The following MSI2 variants were observed in gnomAD, a reference collection of about 807,000 sequenced individuals.
MSI2 encodes the protein RNA-binding protein Musashi homolog 2.
In MSI2, 17 loss-of-function variants were observed where a neutral mutation model predicts 45.6. The observed-to-expected ratio is 0.37, with a 90% CI of 0.26 to 0.56. MSI2 has a LOEUF of 0.56. MSI2 is among the 20% of genes least tolerant of loss of function. The pLI, the probability that MSI2 is intolerant of heterozygous loss-of-function variation, is 0.77. For synonymous variants in MSI2, 156 were observed against 158.2 expected (o/e 0.99, Z 0.11); for missense variants, 293 against 444.2 (o/e 0.66, Z 3.06).
intron 5 of MSI2, 66 bp from the exon 6 acceptor site, chr17:57,401,313 C>A: frequency 2.3e-6 from 3 of 1,305,834 alleles, no homozygotes; most frequent in Non-Finnish European, 3.3e-6. Context: ...ATTGTTTCAG[C>A]AGCCTCTTGA....
chr17:57,461,398 T>C (rs1024541840), intron 6 of MSI2, among the ~76,000 whole-genome samples: 1 of 152,068 alleles, frequency 6.6e-6, no homozygotes, highest in Non-Finnish European at 1.5e-5. Flanking sequence ...AAAAAATTAA[T>C]CCTCCTAAGA....
chr17:57,643,313 C>T (rs1376736202), intron 10 of MSI2, among the ~76,000 whole-genome samples: 2 of 152,356 alleles, frequency 1.3e-5, no homozygotes, highest in East Asian at 1.9e-4. Context: ...CAAGACACCA[C>T]GTTCTGTTGT....
At chr17:57,579,395 G>T (rs921726854) in intron 7 of MSI2, among the ~76,000 whole-genome samples, 1 of 152,208 alleles carries the variant, frequency 6.6e-6, no homozygotes, top group Admixed American at 6.5e-5. Context: ...GGGAGAGGCG[G>T]TGGCTCCCGT....
At chr17:57,488,867 A>G (rs559774856) in intron 6 of MSI2, among the ~76,000 whole-genome samples, 2 of 152,060 alleles carry the variant, frequency 1.3e-5, no homozygotes, top group African/African-American at 4.8e-5. Context: ...GTGACAGCAC[A>G]TTAGAGCTGG....
chr17:57,600,379 C>T (rs1012736095), intron 8 of MSI2, among the ~76,000 whole-genome samples: 2 of 152,224 alleles, frequency 1.3e-5, no homozygotes, highest in African/African-American at 4.8e-5. Flanking sequence ...GGTCTTACTG[C>T]AGATTAGTCA....
At chr17:57,695,174 T>C in the MSI2 span, among the ~76,000 whole-genome samples, 2 of 152,154 alleles carry the variant, frequency 1.3e-5, no homozygotes, top group African/African-American at 4.8e-5. Flanking sequence ...TAGTTAATAG[T>C]GTGGGAACTA....
Position 57,596,794 on chromosome 17 carries a change from AGAAAAACCTG to A in MSI2, c.455-72_455-63del. On this transcript the variant is annotated intron_variant, in intron 7 of 13. Transcript: ENST00000284073. This position sits in a 1 kb window ranked among gnomAD's most constrained non-coding sequence, Gnocchi z 4.6. ...GGCTGTCAAGACCTCAGGACGTCAG[AGAAAAACCTG>A]GGCCTGCCAGAACTGAACTCACCCC... 1 of 1,070,030 alleles carries A rather than the reference AGAAAAACCTG, an allele frequency of 9.3e-7. No homozygotes were observed. Among genetic ancestry groups the A allele is most frequent in the Non-Finnish European group, 1.4e-6 (1 of 693,340 alleles). 66.3% of individuals were successfully genotyped at this position (1,070,030 alleles called of 1,614,324 possible).
At chr17:57,434,791 T>C (rs963267425) in intron 6 of MSI2, among the ~76,000 whole-genome samples, 11 of 150,758 alleles carry the variant, frequency 7.3e-5, no homozygotes, top group Non-Finnish European at 1.2e-4. Context: ...ATTTTTTTTT[T>C]ATCCATTTAC....
chr17:57,521,814 G>C (rs1234329087), intron 6 of MSI2, among the ~76,000 whole-genome samples: 1 of 152,108 alleles, frequency 6.6e-6, no homozygotes, highest in Admixed American at 6.5e-5. Context: ...TTGGGGTGTG[G>C]CCTTGGTGAG....
intron 7 of MSI2, chr17:57,531,980 T>C (rs2086830756): frequency 6.6e-6 from 1 of 152,402 alleles, no homozygotes; most frequent in African/African-American, 2.4e-5. Flanking sequence ...AAGAGTTTTT[T>C]GCCCGTTGTG....
intron 7 of MSI2, among the ~76,000 whole-genome samples, chr17:57,534,707 C>T (rs1024425062): frequency 6.6e-6 from 1 of 152,208 alleles, no homozygotes; most frequent in Non-Finnish European, 1.5e-5. Context: ...AAGAGTGAAA[C>T]TCCGTCTCAC....
At chr17:57,643,788 A>G (rs1794643005) in intron 10 of MSI2, among the ~76,000 whole-genome samples, 1 of 152,268 alleles carries the variant, frequency 6.6e-6, no homozygotes, top group Non-Finnish European at 1.5e-5. Context: ...GCTAAACAGC[A>G]GTTGTATTAA....
rs564578932 is a variant in MSI2 at position 57,581,695 on chromosome 17, G to C, written c.455-15173G>C. ...TGTGTTCTTGCTCCAGATCCCCAGG[G>C]CTGCCCACTGACAACTGTCCCCACC... On this transcript the variant is annotated intron_variant, in intron 7 of 13. Coordinates refer to ENST00000284073, the MANE Select transcript of MSI2 (RefSeq NM_138962.4). Among the ~76,000 whole-genome samples, 7 of 152,286 alleles carry C rather than the reference G, an allele frequency of 4.6e-5. No homozygotes were observed. In the East Asian group the frequency reaches 1.4e-3, roughly 29 times the overall value.
Position 57,256,774 on chromosome 17 carries a change from G to A in MSI2, c.32G>A (p.Gly11Asp). ...GCAAATGGGAGCCAAGGCACCTCGGGCAGCGCCAACGACTCCCAGCACGAC... is the reference window on the plus strand; with the variant it reads ...GCAAATGGGAGCCAAGGCACCTCGGACAGCGCCAACGACTCCCAGCACGAC... Reference protein sequence around the residue: MEANGSQGTSGSANDSQHDPG... With the variant: MEANGSQGTSDSANDSQHDPG... The change falls in exon 1 of 14, where the codon GGC (glycine) becomes GAC (aspartate). Residue 11 changes from glycine (G) to aspartate (D), a missense_variant. By Grantham distance (94) the Gly-to-Asp change is moderately conservative. Coordinates refer to ENST00000284073, the MANE Select transcript of MSI2 (RefSeq NM_138962.4). The A allele has an allele frequency of 6.8e-7, 1 of 1,479,408 alleles. No homozygotes were observed. Among genetic ancestry groups the A allele is most frequent in the Non-Finnish European group, 9.0e-7 (1 of 1,117,042 alleles). The allele number at this position is 1,479,408 out of a possible 1,614,324, so 91.6% of individuals were successfully genotyped here.
rs78563012 is a variant in MSI2, at chr17:57,504,172, C to A, written c.406-25504C>A. ...GAAGGTGGCCGATGCCAGGGCATTG[C>A]CCTCTCGGTTCCGCCTCTTCCTGCA... is the stretch of plus-strand genomic sequence containing the variant. On this transcript the variant is annotated intron_variant, in intron 6 of 13. Transcript: ENST00000284073. Among the ~76,000 whole-genome samples, 1,415 of 152,298 alleles carry A rather than the reference C, an allele frequency of 9.3e-3. 8 individuals are homozygous for A. Among genetic ancestry groups the A allele is most frequent in the Middle Eastern group, 0.017 (5 of 294 alleles).
intron 6 of MSI2, chr17:57,523,473 C>T (rs2086637100): frequency 6.6e-6 from 1 of 152,228 alleles, no homozygotes; most frequent in Non-Finnish European, 1.5e-5. Context: ...ATGCCTGGCT[C>T]ACAATAAATC....
chr17:57,606,877 C>T (rs1906647148), intron 8 of MSI2, among the ~76,000 whole-genome samples: 1 of 141,132 alleles, frequency 7.1e-6, no homozygotes, highest in African/African-American at 2.7e-5. Flanking sequence ...TGGGGAAGGG[C>T]TGTGTGAGGT....
downstream of MSI2, among the ~76,000 whole-genome samples, chr17:57,686,936 G>C (rs1003328500): frequency 6.6e-6 from 1 of 151,614 alleles, no homozygotes; most frequent in African/African-American, 2.4e-5. Flanking sequence ...ATGGCTCTTC[G>C]AATAGAGTTT....
At chr17:57,687,241 A>G (rs4793562), downstream of MSI2, among the ~76,000 whole-genome samples, 94,469 of 151,200 alleles carry the variant, frequency 0.62, 30,068 homozygotes, top group African/African-American at 0.75. Context: ...TTTTTGGGGG[A>G]GGTGAAGGAA....
Sources: gnomAD v4.1 joint callset for allele counts (sites outside exome capture counted in the v4.1 genomes callset) on GRCh38, gnomAD v4.1.1 for gene constraint, Gnocchi (gnomAD v3.1) non-coding constraint, MANE v1.5 for transcripts, NCBI Gene and HGNC (gene_info 2026-07-23, HGNC 2026-07-21) for gene names.